CIITA: variants seen among roughly 807,000 people sequenced by gnomAD.
The protein encoded by CIITA is MHC class II transactivator.
In CIITA, 72 loss-of-function variants were observed where a neutral mutation model predicts 115.1. The ratio of observed to expected loss-of-function variants is 0.63; its 90% CI spans 0.52 to 0.76. CIITA has a LOEUF of 0.76. CIITA is among the 30% of genes least tolerant of loss of function. The probability of loss-of-function intolerance (pLI) is 0.00; values close to 1 mark genes in which losing one functional copy is unlikely to be tolerated. For missense variants in CIITA, 1,617 were observed against 1,463.8 expected, an observed-to-expected ratio of 1.10 and a Z score of -1.71; for synonymous variants, 763 against 635.6, an observed-to-expected ratio of 1.20 and a Z score of -3.02.
At chr16:10,868,714 C>T (rs1480872150) in intron 1 of CIITA, among the ~76,000 whole-genome samples, 4 of 152,186 alleles carry the variant, frequency 2.6e-5, no homozygotes, top group Admixed American at 2.0e-4. Context: ...CTGCCGGACA[C>T]TTCAGCCCCT....
At chr16:10,884,359 GAGC>G (rs2036721861) in intron 1 of CIITA, among the ~76,000 whole-genome samples, 1 of 152,166 alleles carries the variant, frequency 6.6e-6, no homozygotes. Flanking sequence ...TGTCAGCAGG[GAGC>G]AGCTCTTTGC....
chr16:10,894,082 G>A (rs2037879045), intron 1 of CIITA, among the ~76,000 whole-genome samples: 1 of 152,048 alleles, frequency 6.6e-6, no homozygotes, highest in African/African-American at 2.4e-5. Context: ...GAACACCTGG[G>A]CTCAAGCGAT....
chr16:10,939,640 C>A (rs1055072418), downstream of CIITA: 4 of 152,262 alleles, frequency 2.6e-5, no homozygotes, highest in Admixed American at 6.5e-5. This position sits in a 1 kb window ranked among gnomAD's most constrained non-coding sequence, Gnocchi z 4.9. Context: ...CTTTCTCTGA[C>A]CCCTCAGCTA....
In CIITA at chr16:10,907,059, T is replaced by C. The variant is rs1376966141; in HGVS notation, c.1567T>C (p.Cys523Arg). Residue 523 changes from cysteine (C) to arginine (R), a missense_variant, in exon 11 of 20, where the codon TGC (cysteine) becomes CGC (arginine). Coordinates refer to ENST00000324288, the MANE Select transcript of CIITA (RefSeq NM_000246.4). This position sits in a 1 kb window ranked among gnomAD's most constrained non-coding sequence, Gnocchi z 5.0. Reference protein sequence around the residue: ...STCGPAPAEPCSLRGLLAGLF... With the variant: ...STCGPAPAEPRSLRGLLAGLF... ...GTGCGGACCGGCACCGGCGGAGCCC[T>C]GCTCCCTCCGGGGGCTGCTGGCCGG... 1 of 1,607,326 alleles carries C rather than the reference T, an allele frequency of 6.2e-7. No homozygotes were observed. The highest frequency in any genetic ancestry group is 8.5e-7 in the Non-Finnish European group (1 of 1,179,960).
downstream of CIITA, chr16:10,939,898 CTG>C (rs1175613619): frequency 1.4e-4 from 21 of 152,420 alleles, no homozygotes; most frequent in African/African-American, 4.8e-4. This position sits in a 1 kb window ranked among gnomAD's most constrained non-coding sequence, Gnocchi z 4.9. Context: ...GTCTTGTTCA[CTG>C]TGTTCAATCA....
chr16:10,903,991 G>A (rs1296786861), intron 9 of CIITA, 96 bp downstream of exon 9: 14 of 1,535,746 alleles, frequency 9.1e-6, no homozygotes, highest in East Asian at 6.8e-5. Flanking sequence ...AAAGCTGCCT[G>A]TAGGGACAAC....
chr16:10,889,409 C>A (rs916063589), intron 1 of CIITA, among the ~76,000 whole-genome samples: 1 of 152,104 alleles, frequency 6.6e-6, no homozygotes, highest in African/African-American at 2.4e-5. Context: ...GCTTTGACAC[C>A]CTCTAATGTA....
rs915493790 is a variant in CIITA at position 10,924,430 on chromosome 16, G to C, written c.*575G>C. Reference sequence around the variant, plus strand: ...TCATTTTTAGTAGAGACAGGGTTTTGCCATGTTGGCCAGGCTGGTCTCAAA... The same window carrying C: ...TCATTTTTAGTAGAGACAGGGTTTTCCCATGTTGGCCAGGCTGGTCTCAAA... On this transcript the variant is annotated 3_prime_UTR_variant, in exon 20 of 20. Coordinates refer to ENST00000324288, the MANE Select transcript of CIITA (RefSeq NM_000246.4). 6.6e-6 allele frequency: 1 copy of C among 152,236 alleles called. No individual in the cohort carries two copies. The highest frequency in any genetic ancestry group is 2.4e-5 in the African/African-American group (1 of 41,422). The allele number at this position is 152,236 out of a possible 1,614,324, so 9.4% of individuals were successfully genotyped here.
chr16:10,889,290 G>C (rs2037293841), intron 1 of CIITA, among the ~76,000 whole-genome samples: 1 of 152,150 alleles, frequency 6.6e-6, no homozygotes, highest in Non-Finnish European at 1.5e-5. Flanking sequence ...AGGAAACTTG[G>C]CTCTGGGGAT....
chr16:10,895,402 G>A lies in CIITA; in HGVS notation c.173G>A (p.Gly58Glu), dbSNP rs750587801. ...YHFYDQMDLA[G>E]EEEIELYSEP... is the part of the protein sequence containing the mutation. ...TTCTATGACCAGATGGACCTGGCTG[G>A]AGAAGAAGAGATTGAGCTCTACTCA... The change falls in exon 2 of 20, where the codon GGA becomes GAA. Residue 58 changes from glycine (G) to glutamate (E), a missense_variant. Gly to Glu is a moderately conservative substitution (Grantham distance 98). Coordinates refer to ENST00000324288, the MANE Select transcript of CIITA (RefSeq NM_000246.4). The A allele has an allele frequency of 6.2e-7, 1 of 1,613,938 alleles. No homozygotes were observed. Among genetic ancestry groups the A allele is most frequent in the East Asian group, 2.2e-5 (1 of 44,868 alleles).
upstream of CIITA, among the ~76,000 whole-genome samples, chr16:10,872,314 G>C (rs1440674518): frequency 6.6e-6 from 1 of 151,986 alleles, no homozygotes; most frequent in African/African-American, 2.4e-5. Flanking sequence ...GTAGAGACAG[G>C]GTTTCATCAT....
intron 1 of CIITA, among the ~76,000 whole-genome samples, chr16:10,890,890 A>G (rs9929172): frequency 0.049 from 7,416 of 152,204 alleles, 597 homozygotes; most frequent in African/African-American, 0.17. Context: ...TATTATTCGC[A>G]TTTTATAGAT....
At chr16:10,915,323 T>G (rs562546567) in intron 13 of CIITA, among the ~76,000 whole-genome samples, 1 of 152,224 alleles carries the variant, frequency 6.6e-6, no homozygotes, top group East Asian at 1.9e-4. Context: ...ATGCTGGAAT[T>G]ACAGACATGA....
downstream of CIITA, chr16:10,937,796 C>G: frequency 6.6e-6 from 1 of 152,272 alleles, no homozygotes; most frequent in South Asian, 2.1e-4. This position sits in a 1 kb window ranked among gnomAD's most constrained non-coding sequence, Gnocchi z 4.2. Context: ...TCCCCATTCC[C>G]TGCTCCTGGG....
Position 10,935,443 on chromosome 16 carries a change from T to C in CIITA, c.*11588T>C, listed in dbSNP as rs1028948529. On this transcript the variant is annotated 3_prime_UTR_variant, in exon 20 of 20. Coordinates refer to ENST00000324288, the MANE Select transcript of CIITA (RefSeq NM_000246.4). ...GCTTTGGTATTTGGCCAAAAGTTAA[T>C]GACTTTGGCAGTTAGTGTTTTTATC... 1.5e-4 allele frequency: 23 copies of C among 152,226 alleles called. No homozygotes were observed. The highest frequency in any genetic ancestry group is 5.1e-4 in the African/African-American group (21 of 41,472). 9.4% of individuals were successfully genotyped at this position (152,226 alleles called of 1,614,324 possible).
chr16:10,901,933 G>C lies in CIITA; in HGVS notation c.482-105G>C. 1.4e-6 allele frequency: 2 copies of C among 1,473,266 alleles called. No homozygotes were observed. Among genetic ancestry groups the C allele is most frequent in the Admixed American group, 3.3e-5 (2 of 59,748 alleles). 91.3% of individuals were successfully genotyped at this position (1,473,266 alleles called of 1,614,324 possible). On this transcript the variant is annotated intron_variant, in intron 6 of 19. Coordinates refer to ENST00000324288, the MANE Select transcript of CIITA (RefSeq NM_000246.4). The surrounding 1 kb of genome is among the most constrained non-coding windows in gnomAD (Gnocchi z 6.8). ...GCAGCCAGGGCTGAGAAGATGACAA[G>C]CATTTCCTCTGTCAGGAGAGACATC...
intron 13 of CIITA, among the ~76,000 whole-genome samples, chr16:10,914,223 A>AT (rs554072061): frequency 1.2e-4 from 18 of 152,232 alleles, no homozygotes; most frequent in African/African-American, 4.1e-4. Flanking sequence ...AAGAACCCCC[A>AT]TAAGATTGGG....
chr16:10,899,331 G>T (rs929791541), intron 5 of CIITA, among the ~76,000 whole-genome samples: 2 of 152,154 alleles, frequency 1.3e-5, no homozygotes, highest in Non-Finnish European at 2.9e-5. Context: ...CTTTGCAGTT[G>T]CTATAGTCTC....
At chr16:10,895,257 G>C in intron 1 of CIITA, 25 bp from the exon 2 acceptor site, 1 of 1,613,188 alleles carries the variant, frequency 6.2e-7, no homozygotes, top group Non-Finnish European at 8.5e-7. Flanking sequence ...CCTGTGAGGT[G>C]ACTGAGCATT....
Sources: gnomAD v4.1 joint callset for allele counts (sites outside exome capture counted in the v4.1 genomes callset) on GRCh38, gnomAD v4.1.1 for gene constraint, Gnocchi (gnomAD v3.1) non-coding constraint, MANE v1.5 for transcripts, NCBI Gene and HGNC (gene_info 2026-07-23, HGNC 2026-07-21) for gene names.